Variants in FSTL5 observed in about 807,000 individuals in gnomAD.
FSTL5 encodes the protein follistatin-related protein 5.
Under a neutral mutation model 89.1 loss-of-function variants are expected in FSTL5, and 62 were observed. That is an observed-to-expected ratio of 0.70 (90% CI 0.57 to 0.86). The LOEUF is 0.86. Ranked by LOEUF, FSTL5 falls within the 40% of genes least tolerant of loss-of-function variation. FSTL5 has a pLI of 0.00. For synonymous variants in FSTL5, 383 were observed against 346.2 expected (o/e 1.11, Z -1.18); for missense variants, 1,057 against 1,001.6 (o/e 1.06, Z -0.75).
At chr4:161,792,477 T>C (rs925499698) in intron 4 of FSTL5, among the ~76,000 whole-genome samples, 6 of 152,136 alleles carry the variant, frequency 3.9e-5, no homozygotes, top group Non-Finnish European at 8.8e-5. Flanking sequence ...GCCTGGGGAC[T>C]GGGATGCCAG....
At position 161,889,065 on chromosome 4, in the gene FSTL5, C is replaced by A. The variant is rs116019479; in HGVS notation, c.409+31339G>T. Among the ~76,000 whole-genome samples the A allele has an allele frequency of 6.1e-3, 930 of 152,068 alleles. 14 individuals are homozygous for A. The highest frequency in any genetic ancestry group is 0.022 in the African/African-American group (896 of 41,466). On this transcript the variant is annotated intron_variant, in intron 4 of 15. Coordinates refer to ENST00000306100, the MANE Select transcript of FSTL5 (RefSeq NM_020116.5). The stretch of plus-strand genomic sequence containing the variant: ...CATACAAAATATATAAGTTACTTTG[C>A]GTGTATAACTGAGAAAAATGAATTA...
rs28520952 is a variant in FSTL5 at position 161,436,122 on chromosome 4, C to T, written c.1841+18882G>A. On this transcript the variant is annotated intron_variant, in intron 15 of 15. Transcript: ENST00000306100. ...AAGATACTTATCCTTTTAAAGGAGG[C>T]CAAATATTTAAGAGATCGCTGTGTA... Among the ~76,000 whole-genome samples, 1,376 of 152,080 alleles carry T rather than the reference C, an allele frequency of 9.0e-3. 16 individuals are homozygous for T. The highest frequency in any genetic ancestry group is 0.032 in the African/African-American group (1,308 of 41,482).
intron 7 of FSTL5, among the ~76,000 whole-genome samples, chr4:161,593,480 C>A (rs1733900656): frequency 7.0e-6 from 1 of 143,728 alleles, no homozygotes; most frequent in African/African-American, 2.6e-5. Flanking sequence ...AATCTTCTGA[C>A]AGAGAAAAAA....
At chr4:161,949,823 C>T (rs1734842109) in intron 3 of FSTL5, among the ~76,000 whole-genome samples, 2 of 151,096 alleles carry the variant, frequency 1.3e-5, no homozygotes, top group Non-Finnish European at 1.5e-5. Context: ...AATTGGAATT[C>T]TCTGCTTTAA....
chr4:161,782,499 ATATTT>A (rs961438710), intron 4 of FSTL5, among the ~76,000 whole-genome samples: 5 of 152,164 alleles, frequency 3.3e-5, no homozygotes, highest in African/African-American at 1.2e-4. Context: ...ATAAGTGATT[ATATTT>A]TATAAGACCT....
intron 3 of FSTL5, among the ~76,000 whole-genome samples, chr4:162,027,671 C>T (rs190347157): frequency 9.9e-5 from 15 of 152,134 alleles, no homozygotes; most frequent in African/African-American, 3.1e-4. Flanking sequence ...TTGAGAATTA[C>T]ATTTTTAATT....
chr4:161,429,865 A>G (rs1254215434), intron 15 of FSTL5, among the ~76,000 whole-genome samples: 2 of 152,076 alleles, frequency 1.3e-5, no homozygotes, highest in Non-Finnish European at 2.9e-5. Context: ...ACCACACGGG[A>G]AAAAAATGTT....
chr4:161,759,198 G>A (rs377654655), intron 6 of FSTL5, among the ~76,000 whole-genome samples: 2 of 152,100 alleles, frequency 1.3e-5, no homozygotes, highest in African/African-American at 2.4e-5. Context: ...GATGATATTC[G>A]TGGTTATCAA....
In FSTL5 at chr4:161,684,326, CTT is replaced by C. The variant is rs1484734164; in HGVS notation, c.728-27834_728-27833del. Among the ~76,000 whole-genome samples, 6 of 152,212 alleles carry C rather than the reference CTT, an allele frequency of 3.9e-5. No homozygotes were observed. The East Asian group carries it at 1.2e-3, about 29-fold the overall frequency. On this transcript the variant is annotated intron_variant, in intron 6 of 15. Transcript: ENST00000306100. ...ATTGCTGGATCAAATGGTAGTTCTA[CTT>C]TTAGATCTTTAAGGAATTTCCACAC... is the stretch of plus-strand genomic sequence containing the variant.
At chr4:161,959,748 A>T (rs1039065156) in intron 3 of FSTL5, among the ~76,000 whole-genome samples, 1 of 152,112 alleles carries the variant, frequency 6.6e-6, no homozygotes, top group Non-Finnish European at 1.5e-5. Context: ...TCTGTGCTTT[A>T]CAATTTATTG....
At chr4:161,505,324 T>C (rs887752341) in intron 11 of FSTL5, among the ~76,000 whole-genome samples, 1 of 152,170 alleles carries the variant, frequency 6.6e-6, no homozygotes, top group Non-Finnish European at 1.5e-5. Context: ...ATCATACCAT[T>C]GCACCTCAAT....
chr4:161,541,581 C>G (rs1478835987), intron 9 of FSTL5, among the ~76,000 whole-genome samples: 1 of 151,928 alleles, frequency 6.6e-6, no homozygotes, highest in Non-Finnish European at 1.5e-5. Flanking sequence ...CTTTCACAGA[C>G]ATGTCTCTAT....
At chr4:161,795,674 A>C (rs1405403557) in intron 4 of FSTL5, among the ~76,000 whole-genome samples, 2 of 152,034 alleles carry the variant, frequency 1.3e-5, no homozygotes, top group Non-Finnish European at 2.9e-5. Flanking sequence ...ATTTTGCATG[A>C]GGAAATTCGG....
At chr4:161,671,267 T>C (rs1025083515) in intron 6 of FSTL5, among the ~76,000 whole-genome samples, 4 of 152,196 alleles carry the variant, frequency 2.6e-5, no homozygotes, top group African/African-American at 9.6e-5. Flanking sequence ...CATCAGCAAA[T>C]GTTCCCATGG....
intron 1 of FSTL5, among the ~76,000 whole-genome samples, chr4:162,160,994 C>T (rs938297406): frequency 6.6e-6 from 1 of 151,662 alleles, no homozygotes; most frequent in East Asian, 1.9e-4. Context: ...TTAGTTTGAT[C>T]GATAACCCTC....
intron 1 of FSTL5, among the ~76,000 whole-genome samples, chr4:162,119,037 T>A (rs1352965002): frequency 6.6e-6 from 1 of 152,000 alleles, no homozygotes; most frequent in Admixed American, 6.6e-5. Flanking sequence ...GACTGGGCAA[T>A]ATAGCAAGAC....
chr4:162,075,011 A>G (rs960471687), intron 2 of FSTL5, among the ~76,000 whole-genome samples: 2 of 151,810 alleles, frequency 1.3e-5, no homozygotes, highest in African/African-American at 4.8e-5. Flanking sequence ...AGTAAAAAAC[A>G]TAACTTATAA....
intron 6 of FSTL5, among the ~76,000 whole-genome samples, chr4:161,718,622 G>A (rs976967541): frequency 6.6e-6 from 1 of 152,064 alleles, no homozygotes; most frequent in Non-Finnish European, 1.5e-5. Context: ...TAGAGATGGG[G>A]TTTCACTATG....
chr4:161,946,779 G>C (rs577764335), intron 3 of FSTL5, among the ~76,000 whole-genome samples: 4 of 152,092 alleles, frequency 2.6e-5, no homozygotes, highest in Non-Finnish European at 5.9e-5. Context: ...GGAATTTCTG[G>C]GTCATAAGAC....
Sources: allele counts gnomAD v4.1 joint callset (sites outside exome capture counted in the v4.1 genomes callset), GRCh38; gene constraint gnomAD v4.1.1; transcripts MANE v1.5; gene names NCBI Gene and HGNC (gene_info 2026-07-23, HGNC 2026-07-21).